CYRIB: variants seen among roughly 807,000 people sequenced by gnomAD.
CYRIB encodes CYFIP related Rac1 interactor B.
A neutral mutation model predicts 44.2 loss-of-function variants in CYRIB; 8 were observed. The ratio of observed to expected loss-of-function variants is 0.18; its 90% CI spans 0.11 to 0.33. The LOEUF (loss-of-function observed/expected upper bound fraction) is 0.33, where lower values mean the gene tolerates loss of function less well. Among genes scored for constraint, CYRIB ranks in the 10% least tolerant of loss-of-function variants. CYRIB has a pLI of 1.00. For missense variants in CYRIB, 185 were observed against 382.8 expected (o/e 0.48, Z 4.31); for synonymous variants, 131 against 127.2 (o/e 1.03, Z -0.20).
rs1386123348 is a variant in CYRIB at position 129,861,641 on chromosome 8, C to A, written c.301+588G>T. On this transcript the variant is annotated intron_variant, in intron 5 of 11. Coordinates refer to ENST00000519824, the Ensembl canonical transcript of CYRIB. The stretch of plus-strand genomic sequence containing the variant: ...TTTGTTGTTTTTTTTTTTTTTGAGA[C>A]GGGATTTTGCCATGTTGCCCAGGCT... 2.7e-5 allele frequency among the ~76,000 whole-genome samples: 4 copies of A among 148,970 alleles called. No individual in the cohort carries two copies. In the South Asian group the frequency reaches 6.4e-4, roughly 24 times the overall value.
intron 1 of CYRIB, among the ~76,000 whole-genome samples, chr8:129,979,792 G>C (rs1462617189): frequency 6.6e-6 from 1 of 152,084 alleles, no homozygotes; most frequent in East Asian, 1.9e-4. Flanking sequence ...ATGGTGGCAG[G>C]CACCTATAAT....
In CYRIB at chr8:130,006,348, G is replaced by A. The variant is rs182824461; in HGVS notation, c.-296+10022C>T. Among the ~76,000 whole-genome samples, 33 of 150,704 alleles carry A rather than the reference G, an allele frequency of 2.2e-4. 1 individual carries two copies. Among genetic ancestry groups the A allele is most frequent in the Admixed American group, 2.1e-3 (31 of 14,908 alleles). ...AGAATCTGGCTTGCCGGGTACAGTGGTGTGCACCTATAGTCCCATCTACTT... is the reference window on the plus strand; with the variant it reads ...AGAATCTGGCTTGCCGGGTACAGTGATGTGCACCTATAGTCCCATCTACTT... On this transcript the variant is annotated intron_variant, in intron 1 of 14. Coordinates refer to the CYRIB transcript ENST00000401979.
intron 11 of CYRIB, among the ~76,000 whole-genome samples, chr8:129,842,647 C>A (rs1448596587): frequency 6.6e-6 from 1 of 152,172 alleles, no homozygotes; most frequent in African/African-American, 2.4e-5. Context: ...AGTAATATTT[C>A]ATGTGTTATT....
intron 1 of CYRIB, among the ~76,000 whole-genome samples, chr8:129,928,990 T>C (rs2089703587): frequency 6.6e-6 from 1 of 152,182 alleles, no homozygotes; most frequent in African/African-American, 2.4e-5. Flanking sequence ...ATACAAATGT[T>C]CACAGCAGCA....
chr8:130,006,293 ACT>A (rs1446825093), intron 1 of CYRIB, among the ~76,000 whole-genome samples: 3 of 151,472 alleles, frequency 2.0e-5, no homozygotes, highest in East Asian at 2.0e-4. Context: ...ACAAAGTGAC[ACT>A]CTGTCTCAAA....
chr8:129,978,728 T>C (rs1435691519), intron 1 of CYRIB, among the ~76,000 whole-genome samples: 1 of 152,188 alleles, frequency 6.6e-6, no homozygotes, highest in East Asian at 1.9e-4. Context: ...GGGGTGTCCT[T>C]TGAAACACAT....
Position 129,865,708 on chromosome 8 carries a change from T to C in CYRIB, c.196-3374A>G, listed in dbSNP as rs112511445. ...CATAAAAGTTCCAATGCCATAGCTC[T>C]ATAGAAATCAATGGATAGTAGTCAG... On this transcript the variant is annotated intron_variant, in intron 4 of 11. Coordinates refer to ENST00000519824, the Ensembl canonical transcript of CYRIB. Among the ~76,000 whole-genome samples, 1,063 of 152,360 alleles carry C rather than the reference T, an allele frequency of 7.0e-3. 13 individuals carry two copies. The highest frequency in any genetic ancestry group is 0.024 in the African/African-American group (1,015 of 41,578).
At chr8:129,922,058 G>C (rs962050241) in intron 1 of CYRIB, among the ~76,000 whole-genome samples, 2 of 152,172 alleles carry the variant, frequency 1.3e-5, no homozygotes, top group African/African-American at 4.8e-5. Context: ...AGTGGCAACA[G>C]TAAGAGACCA....
intron 1 of CYRIB, among the ~76,000 whole-genome samples, chr8:129,920,135 A>G (rs1292837062): frequency 1.3e-5 from 2 of 151,500 alleles, no homozygotes; most frequent in African/African-American, 4.8e-5. Context: ...TTACTCTTTC[A>G]TGGTCAGAGT....
chr8:130,016,506 G>A (rs1042007055), upstream of CYRIB: 38 of 156,814 alleles, frequency 2.4e-4, no homozygotes, highest in Admixed American at 4.7e-4. Flanking sequence ...CCCCCGCCGC[G>A]GCGGCAGCAG....
Position 129,978,108 on chromosome 8 carries a change from C to T in CYRIB, c.-295-7113G>A, listed in dbSNP as rs140711398. On this transcript the variant is annotated intron_variant, in intron 1 of 14. Coordinates refer to the CYRIB transcript ENST00000401979. ...ATTTTTTTTTTATTTCATGTAGAGA[C>T]GAGGTCTTGCTATGTGCCCAGGTCA... 2.8e-3 allele frequency among the ~76,000 whole-genome samples: 430 copies of T among 151,958 alleles called. 1 individual carries two copies. The highest frequency in any genetic ancestry group is 4.2e-3 in the Non-Finnish European group (284 of 67,966).
At chr8:129,865,396 C>T (rs2052888922) in intron 4 of CYRIB, among the ~76,000 whole-genome samples, 1 of 152,192 alleles carries the variant, frequency 6.6e-6, no homozygotes, top group African/African-American at 2.4e-5. Context: ...TCAGCAAGTA[C>T]AAACTTTTTT....
At chr8:129,936,440 A>C (rs1432343242) in intron 1 of CYRIB, among the ~76,000 whole-genome samples, 1 of 152,232 alleles carries the variant, frequency 6.6e-6, no homozygotes, top group Non-Finnish European at 1.5e-5. Flanking sequence ...CTACAGCGTA[A>C]TTAAGAGCCA....
chr8:129,879,387 A>G lies in CYRIB; in HGVS notation c.73+2T>C. On this transcript the variant is annotated splice_donor_variant, in intron 3 of 11. Coordinates refer to ENST00000519824, the Ensembl canonical transcript of CYRIB. LOFTEE classifies it high-confidence loss of function. ...GAAATAGATATAAAATCATCTTCTC[A>G]CTTTCAAAATCAAGGAAAAAATTTG... 1 of 1,601,762 alleles carries G rather than the reference A, an allele frequency of 6.2e-7. No homozygotes were observed. The highest frequency in any genetic ancestry group is 8.5e-7 in the Non-Finnish European group (1 of 1,170,462).
chr8:129,868,905 A>C (rs1429149183), intron 4 of CYRIB, among the ~76,000 whole-genome samples: 7 of 150,958 alleles, frequency 4.6e-5, no homozygotes, highest in East Asian at 1.9e-4. Context: ...AAAAAAAAAA[A>C]AAAAAACCCG....
chr8:129,938,214 C>A (rs1343249308), intron 1 of CYRIB, among the ~76,000 whole-genome samples: 1 of 152,010 alleles, frequency 6.6e-6, no homozygotes, highest in African/African-American at 2.4e-5. Context: ...TCAAATAAAC[C>A]CCAGTTATCA....
chr8:129,850,547 A>G, intron 9 of CYRIB: 1 of 374,206 alleles, frequency 2.7e-6, no homozygotes, highest in Non-Finnish European at 4.8e-6. Flanking sequence ...CCCAGCCACC[A>G]AAACACCACC....
At chr8:129,984,610 T>A (rs2096380319) in intron 1 of CYRIB, among the ~76,000 whole-genome samples, 1 of 152,046 alleles carries the variant, frequency 6.6e-6, no homozygotes, top group African/African-American at 2.4e-5. Context: ...AACACCTTTT[T>A]TCCTCCCTCT....
At chr8:130,002,826 G>T (rs1043755507) in intron 1 of CYRIB, among the ~76,000 whole-genome samples, 1 of 152,080 alleles carries the variant, frequency 6.6e-6, no homozygotes, top group Admixed American at 6.5e-5. Context: ...AGCCAGGTGC[G>T]GTGGCCCACG....
Sources: allele counts gnomAD v4.1 joint callset (sites outside exome capture counted in the v4.1 genomes callset), GRCh38; gene constraint gnomAD v4.1.1; transcripts MANE v1.5; gene names NCBI Gene and HGNC (gene_info 2026-07-23, HGNC 2026-07-21).